Variants in C14orf132 observed in about 807,000 individuals in gnomAD.
C14orf132 encodes the protein uncharacterized protein C14orf132.
A neutral mutation model predicts 5.8 loss-of-function variants in C14orf132; 6 were observed. The observed-to-expected ratio is 1.03, with a 90% confidence interval of 0.57 to 2.04. The LOEUF (loss-of-function observed/expected upper bound fraction) is 2.04. C14orf132 is among the 30% of genes most tolerant of loss of function. The pLI is 0.00. For missense variants in C14orf132, 125 were observed against 115.8 expected (o/e 1.08, Z -0.37); for synonymous variants, 51 against 49.8 (o/e 1.02, Z -0.10).
intron 1 of C14orf132, among the ~76,000 whole-genome samples, chr14:96,077,220 C>G (rs1332838774): frequency 2.0e-5 from 3 of 152,236 alleles, no homozygotes; most frequent in Middle Eastern, 6.8e-3. Context: ...TCTTTCTATA[C>G]CAAGAGAGAA....
At chr14:96,058,787 TG>T (rs1186570772) in intron 1 of C14orf132, among the ~76,000 whole-genome samples, 1 of 152,190 alleles carries the variant, frequency 6.6e-6, no homozygotes, top group Non-Finnish European at 1.5e-5. Context: ...CCTACAGCAT[TG>T]CAGCAGTAGG....
intron 1 of C14orf132, among the ~76,000 whole-genome samples, chr14:96,055,930 G>A (rs1036716872): frequency 1.3e-5 from 2 of 152,172 alleles, no homozygotes; most frequent in Admixed American, 6.5e-5. Flanking sequence ...TCAGAGCCCG[G>A]GTCGCACCTA....
At chr14:96,057,328 G>A (rs951455566) in intron 1 of C14orf132, among the ~76,000 whole-genome samples, 1 of 152,228 alleles carries the variant, frequency 6.6e-6, no homozygotes, top group Non-Finnish European at 1.5e-5. Context: ...AAAGCAGAGA[G>A]CAGAGAAGCC....
chr14:96,078,658 G>A (rs1420400120), intron 1 of C14orf132, among the ~76,000 whole-genome samples: 4 of 152,190 alleles, frequency 2.6e-5, no homozygotes, highest in Non-Finnish European at 4.4e-5. Context: ...AACAGATCCA[G>A]CAAAAGAAGT....
At chr14:96,058,740 T>C (rs1442629265) in intron 1 of C14orf132, among the ~76,000 whole-genome samples, 3 of 152,154 alleles carry the variant, frequency 2.0e-5, no homozygotes, top group Non-Finnish European at 4.4e-5. Context: ...GAAGGATCCA[T>C]AGATTTCCCT....
In C14orf132 at chr14:96,091,017, T is replaced by C. The variant is rs1216129821; in HGVS notation, c.*4282T>C. 2.2e-6 allele frequency: 1 copy of C among 456,136 alleles called. No individual in the cohort carries two copies. Among genetic ancestry groups the C allele is most frequent in the African/African-American group, 2.0e-5 (1 of 50,218 alleles). 28.3% of individuals were successfully genotyped at this position (456,136 alleles called of 1,614,324 possible). On this transcript the variant is annotated 3_prime_UTR_variant, in exon 2 of 2. Coordinates refer to ENST00000555004, the MANE Select transcript of C14orf132 (RefSeq NM_001252507.3). The stretch of plus-strand genomic sequence containing the variant: ...GCTCTATTTGTGTCTCATTTACTTC[T>C]CAAATTGCCCCTGGGGGCAGGAATG...
At position 96,071,846 on chromosome 14, in the gene C14orf132, G is replaced by T. The variant is rs577261702; in HGVS notation, c.28-14665G>T. On this transcript the variant is annotated intron_variant, in intron 1 of 1. Transcript: ENST00000555004. ...TGCCAGGGCTGGTGGACATCGCCTT[G>T]TGCCTGTCCAGCCCTGGGCCTTCGT... Among the ~76,000 whole-genome samples, 16 of 152,376 alleles carry T rather than the reference G, an allele frequency of 1.1e-4. No homozygotes were observed. In the East Asian group the frequency reaches 1.9e-3, roughly 18 times the overall value.
chr14:96,042,246 T>C (rs1347690133), intron 1 of C14orf132, among the ~76,000 whole-genome samples: 1 of 152,070 alleles, frequency 6.6e-6, no homozygotes, highest in Non-Finnish European at 1.5e-5. Flanking sequence ...AGCTAGAGGA[T>C]GGGGTGCAGG....
intron 1 of C14orf132, among the ~76,000 whole-genome samples, chr14:96,075,227 C>T (rs7153683): frequency 0.55 from 83,370 of 151,946 alleles, 23,439 homozygotes; most frequent in East Asian, 0.9. Flanking sequence ...AGTGTGGAAA[C>T]ACAATTGATC....
At chr14:96,086,481 C>G (rs1447000632) in intron 1 of C14orf132, 30 bp from the exon 2 acceptor site, 1 of 1,529,802 alleles carries the variant, frequency 6.5e-7, no homozygotes, top group African/African-American at 1.4e-5. Context: ...CCCCATGGCC[C>G]TGGATAATTC....
Position 96,088,365 on chromosome 14 carries a change from T to A in C14orf132, c.*1630T>A, listed in dbSNP as rs80081353. 6.6e-6 allele frequency: 1 copy of A among 152,302 alleles called. No homozygotes were observed. The highest frequency in any genetic ancestry group is 6.5e-5 in the Admixed American group (1 of 15,300). 9.4% of individuals were successfully genotyped at this position (152,302 alleles called of 1,614,324 possible). Reference sequence around the variant, plus strand: ...CATCTGTCACTGCCACCGTATATCATCTGCCAGTGCATCAGCTTAAGGGGA... The same window carrying A: ...CATCTGTCACTGCCACCGTATATCAACTGCCAGTGCATCAGCTTAAGGGGA... On this transcript the variant is annotated 3_prime_UTR_variant, in exon 2 of 2. Coordinates refer to ENST00000555004, the MANE Select transcript of C14orf132 (RefSeq NM_001252507.3).
At chr14:96,071,627 C>T (rs1887710654) in intron 1 of C14orf132, among the ~76,000 whole-genome samples, 1 of 152,228 alleles carries the variant, frequency 6.6e-6, no homozygotes, top group Non-Finnish European at 1.5e-5. Flanking sequence ...GCCACAGTCC[C>T]AGCCCTCTCT....
rs1470348708 is a variant in C14orf132 at position 96,087,529 on chromosome 14, C to T, written c.*794C>T. Reference sequence around the variant, plus strand: ...TTTTAAAGATGAACAAGATTCACATCCACTGAATTATTCAACGGATGGGTC... The same window carrying T: ...TTTTAAAGATGAACAAGATTCACATTCACTGAATTATTCAACGGATGGGTC... On this transcript the variant is annotated 3_prime_UTR_variant, in exon 2 of 2. Transcript: ENST00000555004. The T allele has an allele frequency of 1.3e-5, 2 of 152,110 alleles. No individual in the cohort carries two copies. Among genetic ancestry groups the T allele is most frequent in the African/African-American group, 4.8e-5 (2 of 41,408 alleles). 9.4% of individuals were successfully genotyped at this position (152,110 alleles called of 1,614,324 possible). A position where few individuals can be genotyped will look rare whatever the true frequency, so the allele number is the denominator to read the frequency against.
chr14:96,055,810 C>A (rs932540331), intron 1 of C14orf132, among the ~76,000 whole-genome samples: 1 of 152,184 alleles, frequency 6.6e-6, no homozygotes, highest in Non-Finnish European at 1.5e-5. Context: ...ACTTAAATCT[C>A]TTTCCTTCAC....
chr14:96,058,246 A>G (rs543135470), intron 1 of C14orf132, among the ~76,000 whole-genome samples: 39 of 152,244 alleles, frequency 2.6e-4, no homozygotes, highest in Non-Finnish European at 2.9e-5. Flanking sequence ...TCTGTGTCCA[A>G]CTTACTCACA....
At chr14:96,073,626 A>C (rs1466153853) in intron 1 of C14orf132, among the ~76,000 whole-genome samples, 1 of 152,236 alleles carries the variant, frequency 6.6e-6, no homozygotes, top group Non-Finnish European at 1.5e-5. Flanking sequence ...ACTGTGTGGC[A>C]GTTCCTCAAA....
intron 1 of C14orf132, among the ~76,000 whole-genome samples, chr14:96,059,099 A>G (rs1028766088): frequency 6.6e-6 from 1 of 152,188 alleles, no homozygotes; most frequent in Non-Finnish European, 1.5e-5. Flanking sequence ...CTGTCTCTAC[A>G]AAAACTACAA....
At chr14:96,082,801 G>A (rs367596328) in intron 1 of C14orf132, among the ~76,000 whole-genome samples, 1 of 152,214 alleles carries the variant, frequency 6.6e-6, no homozygotes, top group Non-Finnish European at 1.5e-5. Flanking sequence ...TAATCATTGC[G>A]TAACTGTCTT....
intron 1 of C14orf132, among the ~76,000 whole-genome samples, chr14:96,050,857 G>A (rs1241167006): frequency 6.6e-6 from 1 of 152,046 alleles, no homozygotes; most frequent in African/African-American, 2.4e-5. Context: ...TGGTTTTTCA[G>A]TTGTTTCAGT....
Sources: gnomAD v4.1 joint callset for allele counts (sites outside exome capture counted in the v4.1 genomes callset) on GRCh38, gnomAD v4.1.1 for gene constraint, MANE v1.5 for transcripts, NCBI Gene and HGNC (gene_info 2026-07-23, HGNC 2026-07-21) for gene names.